The following SREBF2 variants were observed in gnomAD, a reference collection of about 807,000 sequenced individuals.
The protein encoded by SREBF2 is sterol regulatory element-binding protein 2.
A neutral mutation model predicts 113.1 loss-of-function variants in SREBF2; 55 were observed. That is an observed-to-expected ratio of 0.49 (90% CI 0.39 to 0.61). The LOEUF is 0.61. Ranked by LOEUF, SREBF2 falls within the 20% of genes least tolerant of loss-of-function variation. The pLI, the probability that SREBF2 is intolerant of heterozygous loss-of-function variation, is 0.00. For synonymous variants in SREBF2, 593 were observed against 605.7 expected (o/e 0.98, Z 0.31); for missense variants, 1,349 against 1,487.4 (o/e 0.91, Z 1.53).
At chr22:41,897,593 G>A (rs1253872984) in intron 14 of SREBF2, among the ~76,000 whole-genome samples, 2 of 152,290 alleles carry the variant, frequency 1.3e-5, no homozygotes, top group South Asian at 2.1e-4. Flanking sequence ...CATCACATCA[G>A]TGTCACAGCA....
At chr22:41,860,080 C>T (rs1249896323) in intron 1 of SREBF2, among the ~76,000 whole-genome samples, 2 of 151,908 alleles carry the variant, frequency 1.3e-5, no homozygotes, top group Non-Finnish European at 2.9e-5. Context: ...GCTGGGATTA[C>T]AGGTGTGAGC....
At chr22:41,889,933 G>A (rs1209014706) in intron 11 of SREBF2, among the ~76,000 whole-genome samples, 1 of 152,056 alleles carries the variant, frequency 6.6e-6, no homozygotes, top group African/African-American at 2.4e-5. Flanking sequence ...AGGAGTCAGA[G>A]GTTGCCGTGA....
Position 41,873,727 on chromosome 22 carries a change from G to T in SREBF2, c.868-71G>T, listed in dbSNP as rs73885843. The T allele has an allele frequency of 1.3e-3, 2,009 of 1,496,424 alleles. 27 individuals carry two copies. In the African/African-American group the frequency reaches 0.025, roughly 19 times the overall value. 92.7% of individuals were successfully genotyped at this position (1,496,424 alleles called of 1,614,324 possible). A position where few individuals can be genotyped will look rare whatever the true frequency, so the allele number is the denominator to read the frequency against. Reference sequence around the variant, plus strand: ...TGGCAGCACTTGGCCAAAGCGGGCAGGTCTGTGTTGAGGTTGCTTTATGCA... The same window carrying T: ...TGGCAGCACTTGGCCAAAGCGGGCATGTCTGTGTTGAGGTTGCTTTATGCA... On this transcript the variant is annotated intron_variant, in intron 4 of 18. Transcript: ENST00000361204.
rs35089584 is a variant in SREBF2, at chr22:41,864,325, T to TA, written c.89-2506_89-2505insA. ...TATATATATGTATATATATATATAT[T>TA]TTTTTTTTTTTTTGAGACTGAGTCT... On this transcript the variant is annotated intron_variant, in intron 1 of 18. Coordinates refer to ENST00000361204, the MANE Select transcript of SREBF2 (RefSeq NM_004599.4). Among the ~76,000 whole-genome samples, 247 of 71,060 alleles carry TA rather than the reference T, an allele frequency of 3.5e-3. 4 individuals carry two copies. The Middle Eastern group carries it at 0.037, about 11-fold the overall frequency. The allele number at this position is 71,060 out of a possible 152,430, so 46.6% of individuals were successfully genotyped here.
intron 4 of SREBF2, among the ~76,000 whole-genome samples, chr22:41,871,486 C>T (rs984014444): frequency 5.9e-5 from 9 of 152,194 alleles, no homozygotes; most frequent in African/African-American, 2.2e-4. Flanking sequence ...AATTTAGAAG[C>T]ACTAGCTTTA....
intron 1 of SREBF2, among the ~76,000 whole-genome samples, chr22:41,853,597 C>T (rs748795154): frequency 3.7e-4 from 57 of 152,212 alleles, no homozygotes; most frequent in Admixed American, 1.9e-3. Flanking sequence ...CCGTTGAAAT[C>T]CTTCTGTATT....
At chr22:41,884,101 A>T (rs906110634) in intron 10 of SREBF2, among the ~76,000 whole-genome samples, 3 of 152,154 alleles carry the variant, frequency 2.0e-5, no homozygotes, top group African/African-American at 7.2e-5. Context: ...TTCCCCCTCA[A>T]ACGGGTATGT....
In SREBF2 at chr22:41,898,735, C is replaced by G. The variant is rs765731064; in HGVS notation, c.2692C>G (p.His898Asp). Residue 898 changes from histidine (H) to aspartate (D), a missense_variant, in exon 15 of 19, where the codon CAT becomes GAT. Physicochemically the swap from His to Asp is moderately conservative, Grantham distance 81. This residue lies in a region of SREBF2 where 650 missense variants were observed against 644.1 expected (regional missense o/e 1.01). Transcript: ENST00000361204. ...LQGDDAAVRS[H>D]FTKVERIPKA... The stretch of plus-strand genomic sequence containing the variant: ...GGGAGACGATGCAGCTGTGCGCTCT[C>G]ATTTTACCAAAGTGGAACGCATCCC... The G allele has an allele frequency of 9.9e-6, 16 of 1,614,002 alleles. No individual in the cohort carries two copies. In the Admixed American group the frequency reaches 2.7e-4, roughly 27 times the overall value.
Position 41,905,115 on chromosome 22 carries a change from G to A in SREBF2, c.3205+141G>A, listed in dbSNP as rs928906525. The A allele has an allele frequency of 5.5e-5, 48 of 871,324 alleles. No homozygotes were observed. In the East Asian group the frequency reaches 1.0e-3, roughly 19 times the overall value. The allele number at this position is 871,324 out of a possible 1,614,324, so 54.0% of individuals were successfully genotyped here. ...GCCTCTCTGAGAATGAAAGAAGCCC[G>A]AGGCCGCCCTTGGTGGGTTGCAGGG... is the stretch of plus-strand genomic sequence containing the variant. On this transcript the variant is annotated intron_variant, in intron 18 of 18. Transcript: ENST00000361204.
chr22:41,844,033 T>TACACACACACAC (rs71311415), intron 1 of SREBF2, among the ~76,000 whole-genome samples: 9,995 of 122,996 alleles, frequency 0.081, 477 homozygotes, highest in Non-Finnish European at 0.095. Flanking sequence ...AAAAAATACA[T>TACACACACACAC]ACACACACAC....
intron 15 of SREBF2, among the ~76,000 whole-genome samples, chr22:41,899,809 G>A (rs1293391962): frequency 6.6e-6 from 1 of 152,176 alleles, no homozygotes; most frequent in East Asian, 1.9e-4. Context: ...AGGCACTGCT[G>A]CCTGCTGGAT....
chr22:41,845,221 G>A (rs147309146), intron 1 of SREBF2, among the ~76,000 whole-genome samples: 4 of 152,220 alleles, frequency 2.6e-5, no homozygotes, highest in Non-Finnish European at 4.4e-5. Context: ...GAGCCACTGC[G>A]CCTGCCCATG....
Position 41,905,707 on chromosome 22 carries a change from C to G in SREBF2, c.*47C>G, listed in dbSNP as rs549107299. 8 of 1,524,950 alleles carry G rather than the reference C, an allele frequency of 5.2e-6. No individual in the cohort carries two copies. Among genetic ancestry groups the G allele is most frequent in the South Asian group, 4.8e-5 (4 of 83,528 alleles). 94.5% of individuals were successfully genotyped at this position (1,524,950 alleles called of 1,614,324 possible). A position where few individuals can be genotyped will look rare whatever the true frequency, so the allele number is the denominator to read the frequency against. On this transcript the variant is annotated 3_prime_UTR_variant, in exon 19 of 19. Transcript: ENST00000361204. Reference sequence around the variant, plus strand: ...TCCACCTCTCTCTCGATTTCTCTCTCTCCCCCTCAGCATCTTCCCGCTGAG... The same window carrying G: ...TCCACCTCTCTCTCGATTTCTCTCTGTCCCCCTCAGCATCTTCCCGCTGAG...
intron 1 of SREBF2, among the ~76,000 whole-genome samples, chr22:41,841,567 G>T (rs1380986989): frequency 1.3e-5 from 2 of 152,132 alleles, no homozygotes; most frequent in African/African-American, 4.8e-5. Flanking sequence ...AATGCTGCTT[G>T]CCTCTCATTG....
chr22:41,860,118 T>C (rs1052930014), intron 1 of SREBF2, among the ~76,000 whole-genome samples: 8 of 152,124 alleles, frequency 5.3e-5, no homozygotes, highest in African/African-American at 1.9e-4. Flanking sequence ...ATGGTGATTC[T>C]TAATTGCTAT....
chr22:41,883,797 GCACGGGAAGCCTGGCTTTGC>G (rs1375269835), intron 10 of SREBF2, among the ~76,000 whole-genome samples: 1 of 152,206 alleles, frequency 6.6e-6, no homozygotes, highest in African/African-American at 2.4e-5. Context: ...GGCTGGATGA[GCACGGGAAGCCTGGCTTTGC>G]CACTGTCTGC....
chr22:41,844,029 T>TACAC (rs768606329), intron 1 of SREBF2, among the ~76,000 whole-genome samples: 1,064 of 48,738 alleles, frequency 0.022, 12 homozygotes, highest in African/African-American at 0.075. Context: ...AAAAAAAAAA[T>TACAC]ACATACACAC....
chr22:41,879,084 C>G (rs1396574287), intron 9 of SREBF2, among the ~76,000 whole-genome samples: 1 of 152,158 alleles, frequency 6.6e-6, no homozygotes, highest in Non-Finnish European at 1.5e-5. Flanking sequence ...TGGTCCTGAA[C>G]TCCTAGGCTC....
intron 4 of SREBF2, among the ~76,000 whole-genome samples, chr22:41,873,016 G>A (rs1008616370): frequency 6.6e-6 from 1 of 152,058 alleles, no homozygotes; most frequent in Non-Finnish European, 1.5e-5. Context: ...TGACCAACAT[G>A]GAGAAACCCC....
Sources: allele counts gnomAD v4.1 joint callset (sites outside exome capture counted in the v4.1 genomes callset), GRCh38; gene constraint gnomAD v4.1.1; regional missense constraint gnomAD v4.1.1; transcripts MANE v1.5; gene names NCBI Gene and HGNC (gene_info 2026-07-23, HGNC 2026-07-21).